The following PLXNA2 variants were observed in gnomAD, a reference collection of about 807,000 sequenced individuals.
PLXNA2 encodes the protein plexin A2.
PLXNA2 carries 91 observed loss-of-function variants against 193.5 expected under a neutral mutation model. That is an observed-to-expected ratio of 0.47 (90% CI 0.40 to 0.56). The LOEUF is 0.56. Ranked by LOEUF, PLXNA2 falls within the 20% of genes least tolerant of loss-of-function variation. The pLI is 0.00. For missense variants in PLXNA2, 1,995 were observed against 2,503.2 expected (o/e 0.80, Z 4.33); for synonymous variants, 997 against 1,027.3 (o/e 0.97, Z 0.56).
intron 5 of PLXNA2, among the ~76,000 whole-genome samples, chr1:208,100,291 C>T (rs1232925393): frequency 2.6e-5 from 4 of 151,750 alleles, no homozygotes; most frequent in East Asian, 1.9e-4. Context: ...ATTACTTGAG[C>T]GCTGTAGTGA....
chr1:208,093,817 G>A (rs1666789872), intron 8 of PLXNA2, among the ~76,000 whole-genome samples: 1 of 152,294 alleles, frequency 6.6e-6, no homozygotes, highest in East Asian at 1.9e-4. Context: ...GTGTGATCAG[G>A]TCATTGTAAT....
chr1:208,066,942 G>A (rs1266035143), intron 12 of PLXNA2, among the ~76,000 whole-genome samples: 1 of 152,138 alleles, frequency 6.6e-6, no homozygotes, highest in Non-Finnish European at 1.5e-5. Flanking sequence ...ATAGAATAAG[G>A]ATATAAAGAA....
chr1:208,121,914 A>G (rs1226285467), intron 4 of PLXNA2, among the ~76,000 whole-genome samples: 3 of 152,104 alleles, frequency 2.0e-5, no homozygotes, highest in African/African-American at 7.2e-5. Flanking sequence ...CTCACATCAC[A>G]GCTCACACGG....
intron 3 of PLXNA2, among the ~76,000 whole-genome samples, chr1:208,179,259 A>G (rs1239936598): frequency 6.6e-6 from 1 of 152,210 alleles, no homozygotes; most frequent in African/African-American, 2.4e-5. Flanking sequence ...ATTACCAATA[A>G]TGATGATAAT....
intron 17 of PLXNA2, among the ~76,000 whole-genome samples, chr1:208,049,434 G>A (rs1665182559): frequency 1.3e-5 from 2 of 151,940 alleles, no homozygotes; most frequent in African/African-American, 4.8e-5. Flanking sequence ...ATGGAGTGGG[G>A]GCCTAGGCTC....
At chr1:208,174,245 T>G (rs1571997227) in intron 3 of PLXNA2, among the ~76,000 whole-genome samples, 1 of 150,932 alleles carries the variant, frequency 6.6e-6, no homozygotes, top group Non-Finnish European at 1.5e-5. Context: ...AAGAGAGGAG[T>G]GGGGACTTGC....
At chr1:208,097,064 A>G (rs751924239) in intron 6 of PLXNA2, among the ~76,000 whole-genome samples, 181 bp from the exon 7 acceptor site, 2 of 152,156 alleles carry the variant, frequency 1.3e-5, no homozygotes, top group African/African-American at 4.8e-5. Context: ...TAATTATTCA[A>G]TGTGTGTAGG....
chr1:208,224,653 T>C (rs559044767), intron 1 of PLXNA2, among the ~76,000 whole-genome samples: 1 of 152,216 alleles, frequency 6.6e-6, no homozygotes, highest in Non-Finnish European at 1.5e-5. Context: ...CCCTAGACTC[T>C]GTGCGGTTAT....
chr1:208,042,187 T>C lies in PLXNA2; in HGVS notation c.4197A>G (p.Glu1399=), dbSNP rs769853294. ...LIMTGLQGRL[E]YATDVLKQLL... ...GCTGCTTGAGGACATCAGTGGCATA[T>C]TCCAGGCGGCCCTGCAGGCCGGTCA... Residue 1399 remains glutamate, a synonymous_variant, in exon 22 of 32, where the codon GAA becomes GAG. Coordinates refer to ENST00000367033, the MANE Select transcript of PLXNA2 (RefSeq NM_025179.4). The C allele has an allele frequency of 6.2e-7, 1 of 1,614,200 alleles. No homozygotes were observed. The highest frequency in any genetic ancestry group is 1.1e-5 in the South Asian group (1 of 91,084).
At chr1:208,106,378 C>T (rs1667271373) in intron 4 of PLXNA2, among the ~76,000 whole-genome samples, 1 of 152,184 alleles carries the variant, frequency 6.6e-6, no homozygotes, top group Non-Finnish European at 1.5e-5. Context: ...ACAACGACAG[C>T]ATTAAAACAC....
intron 1 of PLXNA2, among the ~76,000 whole-genome samples, chr1:208,232,841 T>G (rs1035708451): frequency 5.3e-5 from 8 of 152,228 alleles, no homozygotes; most frequent in Admixed American, 2.0e-4. Flanking sequence ...TTTACTTACT[T>G]TGGAATTCAA....
intron 3 of PLXNA2, among the ~76,000 whole-genome samples, chr1:208,168,173 G>T (rs1647100752): frequency 6.6e-6 from 1 of 152,134 alleles, no homozygotes; most frequent in Non-Finnish European, 1.5e-5. Flanking sequence ...AGAACTAAAA[G>T]GTGTAATTTA....
intron 3 of PLXNA2, among the ~76,000 whole-genome samples, chr1:208,168,269 A>T (rs760954377): frequency 1.3e-5 from 2 of 152,192 alleles, no homozygotes; most frequent in Non-Finnish European, 2.9e-5. Flanking sequence ...TAGCGAGTAG[A>T]GGTATTCTGT....
Position 208,084,590 on chromosome 1 carries a change from C to A in PLXNA2, c.2098-10G>T. The A allele has an allele frequency of 1.2e-6, 2 of 1,613,124 alleles. No homozygotes were observed. The highest frequency in any genetic ancestry group is 1.1e-5 in the South Asian group (1 of 90,992). ...CCAGCTGGGGACAGTCCTGGGGGAA[C>A]AAACGAAGAGGCTCCATCTGTCCCC... On this transcript the variant is annotated splice_polypyrimidine_tract_variant and intron_variant, in intron 9 of 31. Coordinates refer to ENST00000367033, the MANE Select transcript of PLXNA2 (RefSeq NM_025179.4).
At chr1:208,030,148 C>T (rs1222035315) in intron 29 of PLXNA2, 8 of 985,492 alleles carry the variant, frequency 8.1e-6, no homozygotes, top group Non-Finnish European at 9.6e-6. Flanking sequence ...CCCTCACTTT[C>T]CTCTAGCCTG....
chr1:208,224,112 C>T (rs1050906396), intron 1 of PLXNA2, among the ~76,000 whole-genome samples: 30 of 152,180 alleles, frequency 2.0e-4, no homozygotes, highest in African/African-American at 7.2e-4. Context: ...AGAGGTAGTC[C>T]AGGCACGTTG....
intron 3 of PLXNA2, among the ~76,000 whole-genome samples, chr1:208,152,668 T>TACAC (rs10564360): frequency 2.2e-5 from 3 of 137,652 alleles, no homozygotes; most frequent in East Asian, 2.1e-4. Flanking sequence ...TGCATACACA[T>TACAC]ACACACACAC....
chr1:208,104,007 A>G (rs1236337063), intron 4 of PLXNA2, among the ~76,000 whole-genome samples: 1 of 152,144 alleles, frequency 6.6e-6, no homozygotes, highest in Non-Finnish European at 1.5e-5. Flanking sequence ...CTTGCACAGC[A>G]GGGGTGAAAA....
At chr1:208,081,250 G>A (rs565978464) in intron 11 of PLXNA2, among the ~76,000 whole-genome samples, 44 of 152,266 alleles carry the variant, frequency 2.9e-4, no homozygotes, top group African/African-American at 8.7e-4. Flanking sequence ...TCCTGGCTCC[G>A]TTCCTTTCTC....
Sources: allele counts gnomAD v4.1 joint callset (sites outside exome capture counted in the v4.1 genomes callset), GRCh38; gene constraint gnomAD v4.1.1; transcripts MANE v1.5; gene names NCBI Gene and HGNC (gene_info 2026-07-23, HGNC 2026-07-21).